CSMD2: variants seen among roughly 807,000 people sequenced by gnomAD.
CSMD2 encodes CUB and sushi domain-containing protein 2.
Under a neutral mutation model 398.5 loss-of-function variants are expected in CSMD2, and 130 were observed. That is an observed-to-expected ratio of 0.33 (90% confidence interval 0.28 to 0.38). The LOEUF (loss-of-function observed/expected upper bound fraction) is 0.38, where lower values mean the gene tolerates loss of function less well. Ranked by LOEUF, CSMD2 falls within the 10% of genes least tolerant of loss-of-function variation. The pLI is 1.00. For missense variants in CSMD2, 3,829 were observed against 4,764.9 expected (o/e 0.80, Z 5.78); for synonymous variants, 1,828 against 1,908.5 (o/e 0.96, Z 1.10).
intron 9 of CSMD2, among the ~76,000 whole-genome samples, 197 bp from the exon 10 acceptor site, chr1:33,811,061 T>C (rs986480455): frequency 6.6e-6 from 1 of 152,138 alleles, no homozygotes; most frequent in African/African-American, 2.4e-5. Flanking sequence ...CTGTGACTGC[T>C]GTTCTGTAGG....
chr1:33,949,466 A>G (rs1365634505), intron 3 of CSMD2, among the ~76,000 whole-genome samples: 1 of 152,164 alleles, frequency 6.6e-6, no homozygotes, highest in African/African-American at 2.4e-5. Flanking sequence ...TTTGAATTCT[A>G]AAGACCTCCC....
chr1:33,842,752 A>G (rs753474428), intron 6 of CSMD2, among the ~76,000 whole-genome samples: 27 of 152,162 alleles, frequency 1.8e-4, no homozygotes, highest in Non-Finnish European at 3.8e-4. Context: ...GTCACGAAAT[A>G]TTATTTTTTT....
rs1056446554 is a variant in CSMD2, at chr1:33,542,845, C to G, written c.9152G>C (p.Ser3051Thr). The G allele has an allele frequency of 6.2e-7, 1 of 1,614,226 alleles. No homozygotes were observed. Residue 3051 changes from serine to threonine, a missense_variant, in exon 58 of 71, where the codon AGT becomes ACT. Around this residue, in one of 5 missense-constraint regions of CSMD2, gnomAD observed 917 missense variants for 1,199.5 expected, o/e 0.76. Coordinates refer to ENST00000373381, the MANE Select transcript of CSMD2 (RefSeq NM_001281956.2). ...AGAGCTGGAGAAAACCAGGCCATCA[C>G]TGAACACAACTCGGGCATTACTTGG... The part of the protein sequence containing the change: ...GTPSNARVVF[S>T]DGLVFSSSIV...
chr1:33,781,009 C>T (rs4652973), intron 12 of CSMD2, among the ~76,000 whole-genome samples: 13,634 of 152,242 alleles, frequency 0.09, 736 homozygotes, highest in Non-Finnish European at 0.12. Flanking sequence ...TGATGCTGGT[C>T]GGCTGCCCTT....
rs563892896 is a variant in CSMD2, at chr1:33,635,839, G to A, written c.4970-509C>T. Among the ~76,000 whole-genome samples, 17 of 152,180 alleles carry A rather than the reference G, an allele frequency of 1.1e-4. No individual in the cohort carries two copies. The highest frequency in any genetic ancestry group is 1.7e-4 in the African/African-American group (7 of 41,516). On this transcript the variant is annotated intron_variant, in intron 30 of 70. Coordinates refer to ENST00000373381, the MANE Select transcript of CSMD2 (RefSeq NM_001281956.2). The surrounding 1 kb of genome is among the most constrained non-coding windows in gnomAD (Gnocchi z 5.0). ...TTCCACAAGGGGCGGGTCTGAGCCT[G>A]CCTCTCTTACCATGACAAAGGGGGT...
At chr1:33,573,341 G>C (rs1179489515) in intron 49 of CSMD2, among the ~76,000 whole-genome samples, 1 of 152,134 alleles carries the variant, frequency 6.6e-6, no homozygotes. Flanking sequence ...AAAATCAGCA[G>C]TGCGAACAAG....
At chr1:33,700,773 G>T in intron 22 of CSMD2, 100 bp from the exon 23 acceptor site, 1 of 1,149,460 alleles carries the variant, frequency 8.7e-7, no homozygotes, top group Non-Finnish European at 1.3e-6. Flanking sequence ...GTTTAGCACT[G>T]GTAACAACTA....
Position 33,633,607 on chromosome 1 carries a change from G to A in CSMD2, c.5087-72C>T. On this transcript the variant is annotated intron_variant, in intron 31 of 70. Transcript: ENST00000373381. This position sits in a 1 kb window ranked among gnomAD's most constrained non-coding sequence, Gnocchi z 5.0. The stretch of plus-strand genomic sequence containing the variant: ...AGGAGAGGGGATCTAGGGGTCTAGG[G>A]GCCCAAGCCAGGAGGAGGGCAGCCC... 3.4e-6 allele frequency: 4 copies of A among 1,188,898 alleles called. No individual in the cohort carries two copies. Among genetic ancestry groups the A allele is most frequent in the Non-Finnish European group, 4.9e-6 (4 of 818,790 alleles). The allele number at this position is 1,188,898 out of a possible 1,614,324, so 73.6% of individuals were successfully genotyped here. A position where few individuals can be genotyped will look rare whatever the true frequency, so the allele number is the denominator to read the frequency against.
At chr1:33,888,545 T>G (rs763327819) in intron 5 of CSMD2, among the ~76,000 whole-genome samples, 16 of 152,172 alleles carry the variant, frequency 1.1e-4, no homozygotes, top group Non-Finnish European at 2.2e-4. Flanking sequence ...ATTATTCATT[T>G]ATAACTAAAA....
At chr1:33,615,490 C>T (rs1341462833) in intron 39 of CSMD2, among the ~76,000 whole-genome samples, 1 of 152,170 alleles carries the variant, frequency 6.6e-6, no homozygotes, top group Non-Finnish European at 1.5e-5. Flanking sequence ...CCAGCCTCGA[C>T]TGCCTGTGTC....
chr1:33,533,933 A>G lies in CSMD2; in HGVS notation c.9880-26T>C, dbSNP rs746181886. 5 of 1,481,508 alleles carry G rather than the reference A, an allele frequency of 3.4e-6. No homozygotes were observed. Among genetic ancestry groups the G allele is most frequent in the Non-Finnish European group, 3.8e-6 (4 of 1,060,014 alleles). The allele number at this position is 1,481,508 out of a possible 1,614,324, so 91.8% of individuals were successfully genotyped here. On this transcript the variant is annotated intron_variant, in intron 62 of 70. Transcript: ENST00000373381. The surrounding 1 kb of genome is among the most constrained non-coding windows in gnomAD (Gnocchi z 4.2). ...CTGCGGCAAGATACAAAGTCCCATC[A>G]GCCCCTTCCTTTCAGCGGTGCTTCC...
In CSMD2 at chr1:33,791,764, A is replaced by T. The variant is rs114241533; in HGVS notation, c.1550+659T>A. Among the ~76,000 whole-genome samples the T allele has an allele frequency of 5.0e-3, 765 of 152,334 alleles. 11 individuals are homozygous for T. The highest frequency in any genetic ancestry group is 0.018 in the African/African-American group (739 of 41,580). On this transcript the variant is annotated intron_variant, in intron 11 of 70. Coordinates refer to ENST00000373381, the MANE Select transcript of CSMD2 (RefSeq NM_001281956.2). ...TGGCCTGCCAAAGTGCTGGGATTACATCAATACACCACCACGCTTGGCCTT... is the reference window on the plus strand; with the variant it reads ...TGGCCTGCCAAAGTGCTGGGATTACTTCAATACACCACCACGCTTGGCCTT...
Position 33,712,516 on chromosome 1 carries a change from G to A in CSMD2, c.3406+2071C>T, listed in dbSNP as rs78482764. ...AGCAGGGCTGGTGGTAATTAGAGGT[G>A]ACTATAACTACTGTGCATTATTAAT... On this transcript the variant is annotated intron_variant, in intron 21 of 70. Coordinates refer to ENST00000373381, the MANE Select transcript of CSMD2 (RefSeq NM_001281956.2). 3.0e-3 allele frequency among the ~76,000 whole-genome samples: 459 copies of A among 152,314 alleles called. 7 individuals are homozygous for A. The highest frequency in any genetic ancestry group is 0.022 in the East Asian group (113 of 5,184).
At chr1:33,735,436 C>T (rs914590367) in intron 15 of CSMD2, among the ~76,000 whole-genome samples, 2 of 152,078 alleles carry the variant, frequency 1.3e-5, no homozygotes, top group Non-Finnish European at 2.9e-5. Context: ...GTGTAGCTGC[C>T]TTCACTACCC....
At chr1:33,702,236 C>T (rs1273439060) in intron 22 of CSMD2, among the ~76,000 whole-genome samples, 1 of 152,132 alleles carries the variant, frequency 6.6e-6, no homozygotes, top group East Asian at 1.9e-4. Context: ...ATGTGTGGAC[C>T]TTATTGAATC....
rs1557764565 is a variant in CSMD2 at position 33,707,690 on chromosome 1, C to CGT, written c.3576+1398_3576+1399insAC. 8.2e-3 allele frequency among the ~76,000 whole-genome samples: 345 copies of CGT among 41,958 alleles called. 2 individuals are homozygous for CGT. Among genetic ancestry groups the CGT allele is most frequent in the African/African-American group, 0.029 (317 of 10,896 alleles). The allele number at this position is 41,958 out of a possible 152,430, so 27.5% of individuals were successfully genotyped here. A position where few individuals can be genotyped will look rare whatever the true frequency, so the allele number is the denominator to read the frequency against. On this transcript the variant is annotated intron_variant, in intron 22 of 70. Coordinates refer to ENST00000373381, the MANE Select transcript of CSMD2 (RefSeq NM_001281956.2). ...AAACACGCACGCGTGCACACGCGCGCGCGCGCACACACACACACACACACA... is the reference window on the plus strand; with the variant it reads ...AAACACGCACGCGTGCACACGCGCGCGTGCGCGCACACACACACACACACACA...
chr1:34,104,757 G>A (rs1403364067), intron 1 of CSMD2, among the ~76,000 whole-genome samples: 1 of 152,206 alleles, frequency 6.6e-6, no homozygotes, highest in Non-Finnish European at 1.5e-5. Flanking sequence ...GTCCGCTGAT[G>A]AGAGAGGCAG....
chr1:33,739,404 G>A (rs539684662), intron 14 of CSMD2, 70 bp from the exon 15 acceptor site: 5 of 1,433,932 alleles, frequency 3.5e-6, no homozygotes, highest in Non-Finnish European at 3.8e-6. Flanking sequence ...AAGAAAATTA[G>A]CTTCCTTGGG....
At chr1:33,804,513 T>C (rs542940407) in intron 10 of CSMD2, among the ~76,000 whole-genome samples, 1 of 152,174 alleles carries the variant, frequency 6.6e-6, no homozygotes, top group South Asian at 2.1e-4. Context: ...AGTTTTCCCA[T>C]AGCGCTCTGG....
Sources: allele counts gnomAD v4.1 joint callset (sites outside exome capture counted in the v4.1 genomes callset), GRCh38; gene constraint gnomAD v4.1.1; regional missense constraint gnomAD v4.1.1; non-coding constraint Gnocchi (gnomAD v3.1); transcripts MANE v1.5; gene names NCBI Gene and HGNC (gene_info 2026-07-23, HGNC 2026-07-21).